UBE3D: variants seen among roughly 807,000 people sequenced by gnomAD.
UBE3D encodes E3 ubiquitin-protein ligase E3D.
A neutral mutation model predicts 49.6 loss-of-function variants in UBE3D; 48 were observed. The observed-to-expected ratio is 0.97, with a 90% CI of 0.77 to 1.23. The LOEUF (loss-of-function observed/expected upper bound fraction) is 1.23, where lower values mean the gene tolerates loss of function less well. Among genes scored for constraint, UBE3D ranks in the 50% most tolerant of loss-of-function variants. UBE3D has a pLI of 0.00. For synonymous variants in UBE3D, 189 were observed against 174.2 expected (o/e 1.08, Z -0.67); for missense variants, 452 against 468.4 (o/e 0.96, Z 0.32).
At chr6:83,003,361 T>C (rs1242159217) in intron 8 of UBE3D, among the ~76,000 whole-genome samples, 1 of 152,210 alleles carries the variant, frequency 6.6e-6, no homozygotes, top group African/African-American at 2.4e-5. Flanking sequence ...AGAGAATAAC[T>C]GCTTTTCATA....
intron 9 of UBE3D, among the ~76,000 whole-genome samples, chr6:82,935,105 CA>C (rs1343201482): frequency 2.0e-5 from 3 of 150,500 alleles, no homozygotes; most frequent in Non-Finnish European, 4.4e-5. Flanking sequence ...CATGGTTCTG[CA>C]GGCTTTATAG....
At chr6:82,996,089 A>G (rs1779219776) in intron 8 of UBE3D, among the ~76,000 whole-genome samples, 1 of 152,088 alleles carries the variant, frequency 6.6e-6, no homozygotes, top group African/African-American at 2.4e-5. Context: ...CAACAGTAGT[A>G]GGGAGCACTT....
intron 5 of UBE3D, chr6:83,038,052 T>TAAAAAAAAAAAAAAAAA (rs78857512): frequency 1.2e-5 from 1 of 86,364 alleles, no homozygotes; most frequent in Non-Finnish European, 2.5e-5. Flanking sequence ...AAGGTAAAAT[T>TAAAAAAAAAAAAAAAAA]AAAAAAAAAA....
intron 8 of UBE3D, among the ~76,000 whole-genome samples, chr6:82,967,170 T>C (rs565417439): frequency 2.0e-4 from 31 of 152,348 alleles, no homozygotes; most frequent in Non-Finnish European, 2.6e-4. Flanking sequence ...TCTGAGATAA[T>C]TGTAGAGTCA....
At chr6:83,039,947 T>A (rs1271455853) in intron 4 of UBE3D, among the ~76,000 whole-genome samples, 3 of 152,100 alleles carry the variant, frequency 2.0e-5, no homozygotes, top group African/African-American at 7.2e-5. Context: ...GCCTACTGTG[T>A]TTTTAAAAAA....
intron 9 of UBE3D, among the ~76,000 whole-genome samples, chr6:82,932,310 A>G (rs973666630): frequency 6.6e-6 from 1 of 152,220 alleles, no homozygotes; most frequent in Non-Finnish European, 1.5e-5. Flanking sequence ...CTGACCCATT[A>G]AATGATACCT....
At chr6:82,922,292 T>A (rs900870546) in intron 9 of UBE3D, among the ~76,000 whole-genome samples, 3 of 152,194 alleles carry the variant, frequency 2.0e-5, no homozygotes, top group Admixed American at 6.5e-5. Flanking sequence ...GAAAACACCA[T>A]GCCCAGATAG....
Position 83,024,036 on chromosome 6 carries a change from T to C in UBE3D, c.670A>G (p.Thr224Ala). The change falls in exon 6 of 10, where the codon ACC becomes GCC. Residue 224 changes from threonine (T) to alanine (A), a missense_variant and splice_region_variant. Physicochemically the swap from Thr to Ala is moderately conservative, Grantham distance 58 (BLOSUM62 0). Transcript: ENST00000369747. ...ATCTCTGTCATATAAAACTTGGTGGTTTCTAGAAACAAAAAAGAAAATTAA... is the reference window on the plus strand; with the variant it reads ...ATCTCTGTCATATAAAACTTGGTGGCTTCTAGAAACAAAAAAGAAAATTAA... ...VMLGETVSSE[T>A]TKFYMTEIII... 1 of 1,516,080 alleles carries C rather than the reference T, an allele frequency of 6.6e-7. No homozygotes were observed. Among genetic ancestry groups the C allele is most frequent in the Non-Finnish European group, 8.8e-7 (1 of 1,135,590 alleles). 93.9% of individuals were successfully genotyped at this position (1,516,080 alleles called of 1,614,324 possible). A position where few individuals can be genotyped will look rare whatever the true frequency, so the allele number is the denominator to read the frequency against.
At chr6:82,884,218 T>C in the UBE3D span, among the ~76,000 whole-genome samples, 1 of 152,160 alleles carries the variant, frequency 6.6e-6, no homozygotes, top group South Asian at 2.1e-4. Context: ...ACCTTCTCCT[T>C]CCATCTATAC....
In UBE3D at chr6:83,056,121, T is replaced by G. The variant is rs540494920; in HGVS notation, c.274+1705A>C. ...ACATAGCAGTCAATTTATTTTGTCC[T>G]ATAGTTTAAACAATGTTTGCAGATT... On this transcript the variant is annotated intron_variant, in intron 2 of 9. Transcript: ENST00000369747. Among the ~76,000 whole-genome samples, 218 of 152,380 alleles carry G rather than the reference T, an allele frequency of 1.4e-3. 1 individual carries two copies. The highest frequency in any genetic ancestry group is 5.0e-3 in the African/African-American group (207 of 41,602).
intron 5 of UBE3D, among the ~76,000 whole-genome samples, chr6:83,025,887 A>G: frequency 1.3e-5 from 2 of 149,994 alleles, no homozygotes; most frequent in Non-Finnish European, 3.0e-5. Context: ...CATCTTAAAA[A>G]AAAAAAAAAA....
intron 9 of UBE3D, among the ~76,000 whole-genome samples, chr6:82,945,382 C>T (rs1485114972): frequency 6.6e-6 from 1 of 152,168 alleles, no homozygotes; most frequent in East Asian, 1.9e-4. Context: ...GAGAAGTATT[C>T]TGGATCTTAT....
downstream of UBE3D, among the ~76,000 whole-genome samples, chr6:82,889,959 C>G (rs1770951283): frequency 6.6e-6 from 1 of 151,460 alleles, no homozygotes. Context: ...CACTTGTTTA[C>G]AGCAGATTTT....
intron 3 of UBE3D, among the ~76,000 whole-genome samples, chr6:83,052,506 G>A (rs1783536049): frequency 6.6e-6 from 1 of 152,134 alleles, no homozygotes; most frequent in Non-Finnish European, 1.5e-5. Context: ...CCAACGAGGG[G>A]GAGACAGAGT....
chr6:83,022,396 G>T, intron 7 of UBE3D, 57 bp downstream of exon 7: 1 of 1,139,798 alleles, frequency 8.8e-7, no homozygotes, highest in Non-Finnish European at 1.2e-6. Flanking sequence ...AAAAACTGAA[G>T]AATTCTGAGA....
At chr6:82,885,061 G>T in the UBE3D span, among the ~76,000 whole-genome samples, 3 of 151,950 alleles carry the variant, frequency 2.0e-5, no homozygotes, top group Admixed American at 1.3e-4. Flanking sequence ...GCTTAGAATG[G>T]GTTGTCACGT....
At chr6:83,019,618 C>T (rs1031876607) in intron 7 of UBE3D, among the ~76,000 whole-genome samples, 2 of 152,134 alleles carry the variant, frequency 1.3e-5, no homozygotes, top group African/African-American at 4.8e-5. Flanking sequence ...TTCCAATACA[C>T]TGCTGGTGGG....
At chr6:82,901,420 T>C (rs1237566182) in intron 9 of UBE3D, among the ~76,000 whole-genome samples, 1 of 152,154 alleles carries the variant, frequency 6.6e-6, no homozygotes, top group Non-Finnish European at 1.5e-5. Context: ...CTGGCCTCAT[T>C]TGAGAACGTG....
intron 9 of UBE3D, among the ~76,000 whole-genome samples, chr6:82,925,381 C>G (rs958998623): frequency 6.6e-6 from 1 of 152,114 alleles, no homozygotes; most frequent in Non-Finnish European, 1.5e-5. Context: ...CTTACTGACC[C>G]GACTTCTTTA....
Sources: allele counts gnomAD v4.1 joint callset (sites outside exome capture counted in the v4.1 genomes callset), GRCh38; gene constraint gnomAD v4.1.1; transcripts MANE v1.5; gene names NCBI Gene and HGNC (gene_info 2026-07-23, HGNC 2026-07-21).